Variants in CNOT7 observed in about 807,000 individuals in gnomAD.
CNOT7 encodes the protein CCR4-NOT transcription complex subunit 7, also known as BTG1-binding factor 1.
Under a neutral mutation model 37.1 loss-of-function variants are expected in CNOT7, and 4 were observed. That is an observed-to-expected ratio of 0.11 (90% CI 0.05 to 0.25). The LOEUF (loss-of-function observed/expected upper bound fraction) is 0.25, where lower values mean the gene tolerates loss of function less well. CNOT7 is among the 10% of genes least tolerant of loss of function. The probability of loss-of-function intolerance (pLI) is 1.00; values close to 1 mark genes in which losing one functional copy is unlikely to be tolerated. For synonymous variants in CNOT7, 128 were observed against 115.6 expected, an observed-to-expected ratio of 1.11 and a Z score of -0.69; for missense variants, 170 against 336.2, an observed-to-expected ratio of 0.51 and a Z score of 3.87.
In CNOT7 at chr8:17,245,257, T is replaced by G. The variant is rs1473993165; in HGVS notation, c.-95-10A>C. On this transcript the variant is annotated splice_polypyrimidine_tract_variant and intron_variant, in intron 1 of 6. Coordinates refer to ENST00000361272, the MANE Select transcript of CNOT7 (RefSeq NM_013354.7). ...TCCTTTATTTATGTACCTGTCAAAA[T>G]AAAAAAACAATATGAAGACCAGATA... 8.3e-7 allele frequency: 1 copy of G among 1,210,862 alleles called. No homozygotes were observed. Among genetic ancestry groups the G allele is most frequent in the Non-Finnish European group, 1.1e-6 (1 of 915,356 alleles). The allele number at this position is 1,210,862 out of a possible 1,614,324, so 75.0% of individuals were successfully genotyped here. A position where few individuals can be genotyped will look rare whatever the true frequency, so the allele number is the denominator to read the frequency against.
At chr8:17,246,236 A>T (rs896465450) in intron 1 of CNOT7, 4 of 152,214 alleles carry the variant, frequency 2.6e-5, no homozygotes, top group African/African-American at 9.7e-5. Flanking sequence ...ATTACTGGAG[A>T]AAGCATCTCC....
chr8:17,226,029 C>CTTTTTTTTTTTTTTTTTTTT lies in CNOT7; in HGVS notation c.*4671_*4690dup, dbSNP rs61036000. 6.8e-5 allele frequency: 4 copies of CTTTTTTTTTTTTTTTTTTTT among 58,720 alleles called. 1 individual carries two copies. Among genetic ancestry groups the CTTTTTTTTTTTTTTTTTTTT allele is most frequent in the African/African-American group, 2.7e-4 (4 of 15,082 alleles). The allele number at this position is 58,720 out of a possible 1,614,324, so 3.6% of individuals were successfully genotyped here. ...TCTTCTAGTAGAGAGGTGGACAAGC[C>CTTTTTTTTTTTTTTTTTTTT]TTTTTTTTTTTTTTTTTTTTTTTTT... is the stretch of plus-strand genomic sequence containing the variant. On this transcript the variant is annotated 3_prime_UTR_variant, in exon 7 of 7. Coordinates refer to ENST00000361272, the MANE Select transcript of CNOT7 (RefSeq NM_013354.7).
chr8:17,227,022 A>G lies in CNOT7; in HGVS notation c.*3698T>C, dbSNP rs1222939264. On this transcript the variant is annotated 3_prime_UTR_variant, in exon 7 of 7. Transcript: ENST00000361272. Reference sequence around the variant, plus strand: ...CAGCTTCTGTTTCTCACAAAAAAAAAAAAATCATGGAACTGAAGATGGTTA... The same window carrying G: ...CAGCTTCTGTTTCTCACAAAAAAAAGAAAATCATGGAACTGAAGATGGTTA... The G allele has an allele frequency of 6.6e-6, 1 of 151,624 alleles. No homozygotes were observed. Among genetic ancestry groups the G allele is most frequent in the Non-Finnish European group, 1.5e-5 (1 of 67,698 alleles). The allele number at this position is 151,624 out of a possible 1,614,324, so 9.4% of individuals were successfully genotyped here.
intron 5 of CNOT7, 133 bp from the exon 6 acceptor site, chr8:17,232,670 G>GA: frequency 4.3e-6 from 3 of 701,670 alleles, no homozygotes; most frequent in Non-Finnish European, 7.1e-6. Flanking sequence ...AAAGATTGGG[G>GA]GGAAGAAACA....
At chr8:17,239,439 C>A (rs1809836536) in intron 3 of CNOT7, among the ~76,000 whole-genome samples, 1 of 152,182 alleles carries the variant, frequency 6.6e-6, no homozygotes, top group Non-Finnish European at 1.5e-5. Flanking sequence ...TCTGTTACCA[C>A]CAAACCCAAG....
At position 17,225,258 on chromosome 8, in the gene CNOT7, T is replaced by G. The variant is rs1382539250; in HGVS notation, c.*5462A>C. ...GATACTAAATAAAGATTCTTATCTT[T>G]TGGGAGAAAGAGCCAAAACAGAAGG... On this transcript the variant is annotated 3_prime_UTR_variant, in exon 7 of 7. Transcript: ENST00000361272. 1 of 151,694 alleles carries G rather than the reference T, an allele frequency of 6.6e-6. No homozygotes were observed. Among genetic ancestry groups the G allele is most frequent in the African/African-American group, 2.4e-5 (1 of 41,402 alleles). The allele number at this position is 151,694 out of a possible 1,614,324, so 9.4% of individuals were successfully genotyped here. A position where few individuals can be genotyped will look rare whatever the true frequency, so the allele number is the denominator to read the frequency against.
intron 1 of CNOT7, among the ~76,000 whole-genome samples, chr8:17,245,466 A>G (rs1353974278): frequency 6.6e-6 from 1 of 152,222 alleles, no homozygotes. Flanking sequence ...TTATTTTAAA[A>G]TAGCTTTTTT....
intron 3 of CNOT7, chr8:17,242,268 T>G (rs1297279527): frequency 6.6e-6 from 1 of 152,260 alleles, no homozygotes; most frequent in South Asian, 2.1e-4. Flanking sequence ...GAGGTCCTGC[T>G]GTAATAAGAA....
chr8:17,244,859 C>A (rs1477390198), intron 2 of CNOT7, 177 bp downstream of exon 2: 2 of 568,720 alleles, frequency 3.5e-6, no homozygotes, highest in Non-Finnish European at 6.2e-6. Context: ...ATAAACCCAA[C>A]CTGTCAAATC....
chr8:17,237,727 G>A (rs186679049), intron 3 of CNOT7: 55 of 198,154 alleles, frequency 2.8e-4, no homozygotes, highest in Non-Finnish European at 5.4e-4. Context: ...TTTTTTCAGA[G>A]ACTCTCAGTC....
Position 17,225,888 on chromosome 8 carries a change from TGA to T in CNOT7, c.*4830_*4831del, listed in dbSNP as rs905796865. ...TTCTAACACATTTATTTTATAGACA[TGA>T]GATAACATATGCATTCATAATTTGA... On this transcript the variant is annotated 3_prime_UTR_variant, in exon 7 of 7. Transcript: ENST00000361272. The T allele has an allele frequency of 6.6e-6, 1 of 151,628 alleles. No individual in the cohort carries two copies. The highest frequency in any genetic ancestry group is 2.4e-5 in the African/African-American group (1 of 41,356). 9.4% of individuals were successfully genotyped at this position (151,628 alleles called of 1,614,324 possible).
intron 3 of CNOT7, chr8:17,241,635 G>C (rs1810180261): frequency 6.6e-6 from 1 of 152,128 alleles, no homozygotes; most frequent in East Asian, 1.9e-4. Context: ...CACAAATGTA[G>C]GATGTCAAAC....
chr8:17,227,382 T>TAAGA lies in CNOT7; in HGVS notation c.*3334_*3337dup, dbSNP rs1332861404. 6.6e-6 allele frequency: 1 copy of TAAGA among 151,852 alleles called. No homozygotes were observed. The highest frequency in any genetic ancestry group is 2.4e-5 in the African/African-American group (1 of 41,424). The allele number at this position is 151,852 out of a possible 1,614,324, so 9.4% of individuals were successfully genotyped here. On this transcript the variant is annotated 3_prime_UTR_variant, in exon 7 of 7. Coordinates refer to ENST00000361272, the MANE Select transcript of CNOT7 (RefSeq NM_013354.7). ...AATAAAGCTAGGCAGTACTGACTAG[T>TAAGA]AAGAGGCAAAGAATTAACAGTGTCA...
In CNOT7 at chr8:17,229,815, C is replaced by A. The variant is rs1808404211; in HGVS notation, c.*905G>T. 2 of 145,648 alleles carry A rather than the reference C, an allele frequency of 1.4e-5. No individual in the cohort carries two copies. Among genetic ancestry groups the A allele is most frequent in the African/African-American group, 2.5e-5 (1 of 39,708 alleles). The allele number at this position is 145,648 out of a possible 1,614,324, so 9.0% of individuals were successfully genotyped here. A position where few individuals can be genotyped will look rare whatever the true frequency, so the allele number is the denominator to read the frequency against. Reference sequence around the variant, plus strand: ...ATTTGTGTAACCAACAAATCAAGAGCATCATAAGAATGGCTACAAAATTTA... The same window carrying A: ...ATTTGTGTAACCAACAAATCAAGAGAATCATAAGAATGGCTACAAAATTTA... On this transcript the variant is annotated 3_prime_UTR_variant, in exon 7 of 7. Coordinates refer to ENST00000361272, the MANE Select transcript of CNOT7 (RefSeq NM_013354.7).
At chr8:17,231,706 T>C in intron 6 of CNOT7, 1 of 985,402 alleles carries the variant, frequency 1.0e-6, no homozygotes, top group Non-Finnish European at 1.2e-6. Flanking sequence ...TACCTATAGC[T>C]AGGTGTATCT....
chr8:17,235,825 T>G (rs949635096), intron 4 of CNOT7, among the ~76,000 whole-genome samples: 2 of 152,230 alleles, frequency 1.3e-5, no homozygotes, highest in African/African-American at 2.4e-5. Flanking sequence ...TCTATCTTGA[T>G]AAATATTCAA....
At position 17,230,071 on chromosome 8, in the gene CNOT7, G is replaced by C. The variant is rs1290467401; in HGVS notation, c.*649C>G. 1 of 152,362 alleles carries C rather than the reference G, an allele frequency of 6.6e-6. No individual in the cohort carries two copies. The allele number at this position is 152,362 out of a possible 1,614,324, so 9.4% of individuals were successfully genotyped here. A position where few individuals can be genotyped will look rare whatever the true frequency, so the allele number is the denominator to read the frequency against. On this transcript the variant is annotated 3_prime_UTR_variant, in exon 7 of 7. Transcript: ENST00000361272. Reference sequence around the variant, plus strand: ...AAACTGACAGACACTAGATGTGCTTGGAAGATTAAACACTACGTACAGAAA... The same window carrying C: ...AAACTGACAGACACTAGATGTGCTTCGAAGATTAAACACTACGTACAGAAA...
intron 2 of CNOT7, chr8:17,244,255 A>C (rs1490556169): frequency 6.5e-6 from 1 of 152,746 alleles, no homozygotes; most frequent in Non-Finnish European, 1.5e-5. Context: ...ATCTAGGCAG[A>C]CCAAACAGCA....
rs967283231 is a variant in CNOT7 at position 17,225,796 on chromosome 8, C to G, written c.*4924G>C. On this transcript the variant is annotated 3_prime_UTR_variant, in exon 7 of 7. Transcript: ENST00000361272. ...CAACATAGCAAATGGCATGTGTGAACTGGCCTTCACTACAAAGCACCGACA... is the reference window on the plus strand; with the variant it reads ...CAACATAGCAAATGGCATGTGTGAAGTGGCCTTCACTACAAAGCACCGACA... 1 of 151,682 alleles carries G rather than the reference C, an allele frequency of 6.6e-6. No individual in the cohort carries two copies. Among genetic ancestry groups the G allele is most frequent in the Non-Finnish European group, 1.5e-5 (1 of 67,694 alleles). The allele number at this position is 151,682 out of a possible 1,614,324, so 9.4% of individuals were successfully genotyped here.
Sources: gnomAD v4.1 joint callset for allele counts (sites outside exome capture counted in the v4.1 genomes callset) on GRCh38, gnomAD v4.1.1 for gene constraint, MANE v1.5 for transcripts, NCBI Gene and HGNC (gene_info 2026-07-23, HGNC 2026-07-21) for gene names.